Variants in SLF2 observed in about 807,000 individuals in gnomAD.
SLF2 encodes SMC5-SMC6 complex localization factor protein 2.
Under a neutral mutation model 124.3 loss-of-function variants are expected in SLF2, and 68 were observed. That is an observed-to-expected ratio of 0.55 (90% CI 0.45 to 0.67). SLF2 has a LOEUF of 0.67. SLF2 is among the 30% of genes least tolerant of loss of function. The pLI, the probability that SLF2 is intolerant of heterozygous loss-of-function variation, is 0.00. For missense variants in SLF2, 1,246 were observed against 1,373.7 expected (o/e 0.91, Z 1.47); for synonymous variants, 480 against 478.8 (o/e 1.00, Z -0.03).
intron 16 of SLF2, 31 bp downstream of exon 16, chr10:100,950,238 C>T: frequency 1.3e-6 from 2 of 1,590,650 alleles, no homozygotes; most frequent in African/African-American, 1.3e-5. Flanking sequence ...TCAAAGAGTA[C>T]ATAGAAGCAT....
intron 15 of SLF2, among the ~76,000 whole-genome samples, chr10:100,949,674 C>A (rs1343004728): frequency 6.6e-6 from 1 of 151,948 alleles, no homozygotes; most frequent in Non-Finnish European, 1.5e-5. Context: ...CGGCTCACTG[C>A]AACCTCCACC....
chr10:100,927,638 C>T (rs767984457), intron 6 of SLF2, among the ~76,000 whole-genome samples: 30 of 152,086 alleles, frequency 2.0e-4, no homozygotes, highest in Admixed American at 3.3e-4. Flanking sequence ...ATGGTAATTC[C>T]GTTTAATTTT....
At chr10:100,941,743 C>T (rs1849986313) in intron 11 of SLF2, among the ~76,000 whole-genome samples, 1 of 152,164 alleles carries the variant, frequency 6.6e-6, no homozygotes. Context: ...GTGTGCCAGA[C>T]TCTGTTCTAA....
In SLF2 at chr10:100,912,998, GGGTGCC is replaced by G; in HGVS notation, c.-111_-106del. 8.5e-7 allele frequency: 1 copy of G among 1,170,886 alleles called. No individual in the cohort carries two copies. Among genetic ancestry groups the G allele is most frequent in the Non-Finnish European group, 1.2e-6 (1 of 830,022 alleles). 72.5% of individuals were successfully genotyped at this position (1,170,886 alleles called of 1,614,324 possible). On this transcript the variant is annotated 5_prime_UTR_variant, in exon 1 of 20. Coordinates refer to ENST00000238961, the MANE Select transcript of SLF2 (RefSeq NM_018121.4). ...AGAGAACCGCCATGAAGAGAGAAGG[GGGTGCC>G]GCCCACCTCTGCTCCGACAGCCTCC...
chr10:100,954,319 C>G (rs1332166810), intron 17 of SLF2, among the ~76,000 whole-genome samples: 1 of 151,974 alleles, frequency 6.6e-6, no homozygotes, highest in Non-Finnish European at 1.5e-5. Context: ...TATTTTGAAA[C>G]CTTTATTGAT....
chr10:100,935,363 C>A (rs139952998), intron 9 of SLF2, among the ~76,000 whole-genome samples: 4 of 151,812 alleles, frequency 2.6e-5, no homozygotes, highest in African/African-American at 9.7e-5. Context: ...CCACTGCACT[C>A]CAGCCTGGGT....
At position 100,924,546 on chromosome 10, in the gene SLF2, T is replaced by C. The variant is rs1220434251; in HGVS notation, c.1545T>C (p.Ser515=). Residue 515 remains serine, a synonymous_variant, in exon 5 of 20, where the codon TCT becomes TCC. Coordinates refer to ENST00000238961, the MANE Select transcript of SLF2 (RefSeq NM_018121.4). ...CATCTAAAGAATGTTCTGGGCATTC[T>C]ACAGAATCCACCAAACACAAGGAAC... The part of the protein sequence containing the change: ...RSSSKECSGH[S]TESTKHKEHK... 2 of 1,614,024 alleles carry C rather than the reference T, an allele frequency of 1.2e-6. No homozygotes were observed. Among genetic ancestry groups the C allele is most frequent in the South Asian group, 1.1e-5 (1 of 91,092 alleles).
chr10:100,950,289 A>AT (rs2133820049), intron 16 of SLF2, 82 bp downstream of exon 16: 1 of 1,415,176 alleles, frequency 7.1e-7, no homozygotes, highest in East Asian at 2.4e-5. Flanking sequence ...ATATGTAGGC[A>AT]TTTCTGGATT....
rs754926842 is a variant in SLF2 at position 100,913,169 on chromosome 10, C to T, written c.59C>T (p.Ser20Leu). 6.2e-7 allele frequency: 1 copy of T among 1,612,400 alleles called. No individual in the cohort carries two copies. Among genetic ancestry groups the T allele is most frequent in the Non-Finnish European group, 8.5e-7 (1 of 1,179,350 alleles). Residue 20 changes from serine to leucine, a missense_variant, in exon 1 of 20, where the codon TCG becomes TTG. Around this residue, in one of 3 missense-constraint regions of SLF2, gnomAD observed 698 missense variants for 708.9 expected, o/e 0.98. Transcript: ENST00000238961. The part of the protein sequence containing the change: ...PGFPSSPAPG[S>L]SPPRCHLRPG... Reference sequence around the variant, plus strand: ...TTCCCCTCATCCCCAGCCCCGGGGTCGTCGCCCCCGCGCTGCCATCTGAGA... The same window carrying T: ...TTCCCCTCATCCCCAGCCCCGGGGTTGTCGCCCCCGCGCTGCCATCTGAGA...
chr10:100,943,357 ATTATCT>A (rs1022664663), intron 11 of SLF2, among the ~76,000 whole-genome samples: 5 of 152,250 alleles, frequency 3.3e-5, no homozygotes, highest in African/African-American at 1.2e-4. Flanking sequence ...ACTTGTAGTA[ATTATCT>A]TAGGAAGGAA....
chr10:100,912,986 GAAGA>G lies in SLF2; in HGVS notation c.-124_-121del. 4 of 1,034,840 alleles carry G rather than the reference GAAGA, an allele frequency of 3.9e-6. No individual in the cohort carries two copies. The highest frequency in any genetic ancestry group is 5.6e-6 in the Non-Finnish European group (4 of 716,988). 64.1% of individuals were successfully genotyped at this position (1,034,840 alleles called of 1,614,324 possible). On this transcript the variant is annotated 5_prime_UTR_variant, in exon 1 of 20. Coordinates refer to ENST00000238961, the MANE Select transcript of SLF2 (RefSeq NM_018121.4). ...TCACTTCCGAAGAGAGAACCGCCAT[GAAGA>G]GAGAAGGGGGTGCCGCCCACCTCTG...
In SLF2 at chr10:100,929,981, G is replaced by T; in HGVS notation, c.2317G>T (p.Glu773Ter). Residue 773 changes from glutamate (E) to a stop codon, truncating the protein, a stop_gained, in exon 8 of 20, where the codon GAA (glutamate) becomes TAA (stop). Coordinates refer to ENST00000238961, the MANE Select transcript of SLF2 (RefSeq NM_018121.4). LOFTEE classifies it high-confidence loss of function. The part of the protein sequence containing the change: ...DSGFIGQSAV[E>*]KLILKSGKTD... The stretch of plus-strand genomic sequence containing the variant: ...TGGTTTTATTGGACAAAGTGCTGTA[G>T]AAAAACTTATTCTTAAGTAAGTAGA... 1 of 1,523,360 alleles carries T rather than the reference G, an allele frequency of 6.6e-7. No individual in the cohort carries two copies. The highest frequency in any genetic ancestry group is 1.3e-5 in the South Asian group (1 of 75,700). 94.4% of individuals were successfully genotyped at this position (1,523,360 alleles called of 1,614,324 possible). A position where few individuals can be genotyped will look rare whatever the true frequency, so the allele number is the denominator to read the frequency against.
chr10:100,916,877 A>G lies in SLF2; in HGVS notation c.492A>G (p.Leu164=), dbSNP rs766599354. ...ACTTGCCAAAGGAGATGAAGTCACT[A>G]AAGAAAAAACATCGATCCCCAGAGA... is the stretch of plus-strand genomic sequence containing the variant. ...SYHLPKEMKS[L]KKKHRSPERR... is the part of the protein sequence containing the mutation. Residue 164 remains leucine, a synonymous_variant, in exon 3 of 20, where the codon CTA becomes CTG. Transcript: ENST00000238961. 6.2e-7 allele frequency: 1 copy of G among 1,614,212 alleles called. No individual in the cohort carries two copies. The highest frequency in any genetic ancestry group is 1.1e-5 in the South Asian group (1 of 91,088).
rs969756343 is a variant in SLF2 at position 100,924,370 on chromosome 10, C to T, written c.1369C>T (p.Gln457Ter). ...TGCAATTAAAAAAGCTAGCAACCTT[C>T]AGAAAAATAAAACCGCTAGCTCCAC... is the stretch of plus-strand genomic sequence containing the variant. ...KSAIKKASNL[Q>*]KNKTASSTTK... The change falls in exon 5 of 20, where the codon CAG becomes TAG. Residue 457 changes from glutamine to a stop codon, truncating the protein, a stop_gained. Coordinates refer to ENST00000238961, the MANE Select transcript of SLF2 (RefSeq NM_018121.4). LOFTEE classifies it high-confidence loss of function. 1.2e-6 allele frequency: 2 copies of T among 1,613,726 alleles called. No individual in the cohort carries two copies. Among genetic ancestry groups the T allele is most frequent in the Non-Finnish European group, 1.7e-6 (2 of 1,179,980 alleles).
intron 15 of SLF2, among the ~76,000 whole-genome samples, chr10:100,949,744 T>C (rs1455224483): frequency 6.6e-6 from 1 of 152,094 alleles, no homozygotes; most frequent in African/African-American, 2.4e-5. Context: ...TACAGGCATG[T>C]GCCACCATGC....
Position 100,929,558 on chromosome 10 carries a change from G to A in SLF2, c.2165+119G>A, listed in dbSNP as rs191095177. 2.1e-5 allele frequency: 19 copies of A among 914,666 alleles called. No individual in the cohort carries two copies. In the East Asian group the frequency reaches 4.5e-4, roughly 22 times the overall value. 56.7% of individuals were successfully genotyped at this position (914,666 alleles called of 1,614,324 possible). ...AGTGAATAATTTATGATAGGTTTCT[G>A]TCTGTAATGGGTTTGAAAGGCAAAT... is the stretch of plus-strand genomic sequence containing the variant. On this transcript the variant is annotated intron_variant, in intron 7 of 19. Coordinates refer to ENST00000238961, the MANE Select transcript of SLF2 (RefSeq NM_018121.4).
intron 11 of SLF2, among the ~76,000 whole-genome samples, chr10:100,943,464 GTAT>G (rs779921185): frequency 3.3e-5 from 5 of 152,238 alleles, no homozygotes; most frequent in Middle Eastern, 3.4e-3. Flanking sequence ...CCATATAAAA[GTAT>G]TATTTTTTCA....
At chr10:100,946,287 T>C (rs976615163) in intron 13 of SLF2, among the ~76,000 whole-genome samples, 4 of 151,690 alleles carry the variant, frequency 2.6e-5, no homozygotes, top group Non-Finnish European at 5.9e-5. Flanking sequence ...TTTTAAAAAT[T>C]GATACACAAT....
intron 18 of SLF2, among the ~76,000 whole-genome samples, chr10:100,957,312 TAAAG>T (rs1480809651): frequency 1.3e-5 from 2 of 149,894 alleles, no homozygotes; most frequent in African/African-American, 4.9e-5. Flanking sequence ...AAGAATATGT[TAAAG>T]GAAGGAGTCT....
Sources: allele counts gnomAD v4.1 joint callset (sites outside exome capture counted in the v4.1 genomes callset), GRCh38; gene constraint gnomAD v4.1.1; regional missense constraint gnomAD v4.1.1; transcripts MANE v1.5; gene names NCBI Gene and HGNC (gene_info 2026-07-23, HGNC 2026-07-21).